Variants in MOB4 observed in about 807,000 individuals in gnomAD.
The protein encoded by MOB4 is MOB family member 4, phocein.
In MOB4, 4 loss-of-function variants were observed where a neutral mutation model predicts 32.2. That is an observed-to-expected ratio of 0.12 (90% CI 0.06 to 0.28). The LOEUF (loss-of-function observed/expected upper bound fraction) is 0.28, where lower values mean the gene tolerates loss of function less well. Among genes scored for constraint, MOB4 ranks in the 10% least tolerant of loss-of-function variants. The pLI is 1.00. For missense variants in MOB4, 158 were observed against 271.2 expected, an observed-to-expected ratio of 0.58 and a Z score of 2.93; for synonymous variants, 88 against 88.1, an observed-to-expected ratio of 1.00 and a Z score of 0.01.
In MOB4 at chr2:197,548,264, C is replaced by A; in HGVS notation, c.355-72C>A. ...GCTCATGTCTTTGGAATAAGGTATACCCATATAATGAATATATCTAACTTA... is the reference window on the plus strand; with the variant it reads ...GCTCATGTCTTTGGAATAAGGTATAACCATATAATGAATATATCTAACTTA... On this transcript the variant is annotated intron_variant, in intron 5 of 7. Transcript: ENST00000323303. 4 of 1,302,524 alleles carry A rather than the reference C, an allele frequency of 3.1e-6. No homozygotes were observed. The South Asian group carries it at 4.2e-5, about 14-fold the overall frequency. The allele number at this position is 1,302,524 out of a possible 1,614,324, so 80.7% of individuals were successfully genotyped here.
At chr2:197,530,262 C>G (rs2086677402) in intron 2 of MOB4, among the ~76,000 whole-genome samples, 2 of 150,804 alleles carry the variant, frequency 1.3e-5, no homozygotes, top group Admixed American at 6.6e-5. Context: ...GCCACCATGC[C>G]TGGACTCTAT....
At chr2:197,523,775 G>A in intron 2 of MOB4, 89 bp downstream of exon 2, 1 of 1,219,180 alleles carries the variant, frequency 8.2e-7, no homozygotes, top group Non-Finnish European at 1.1e-6. Context: ...TGGTCACTGT[G>A]CAGCAGTCTG....
At chr2:197,535,467 A>G in intron 2 of MOB4, 63 bp from the exon 3 acceptor site, 1 of 1,467,504 alleles carries the variant, frequency 6.8e-7, no homozygotes, top group Non-Finnish European at 9.2e-7. Flanking sequence ...AATTATATGT[A>G]CTTAACATAA....
intron 5 of MOB4, among the ~76,000 whole-genome samples, chr2:197,540,959 T>A (rs538134310): frequency 6.6e-6 from 1 of 152,064 alleles, no homozygotes; most frequent in Admixed American, 6.6e-5. Context: ...TGGAGTGCAG[T>A]GGTATGATCT....
chr2:197,544,249 T>G (rs1339551988), intron 5 of MOB4, among the ~76,000 whole-genome samples: 1 of 152,084 alleles, frequency 6.6e-6, no homozygotes, highest in Non-Finnish European at 1.5e-5. Context: ...TTTTTGTATT[T>G]TTAGTAGAGA....
intron 1 of MOB4, among the ~76,000 whole-genome samples, chr2:197,519,891 G>A (rs2086484042): frequency 6.6e-6 from 1 of 152,148 alleles, no homozygotes; most frequent in Non-Finnish European, 1.5e-5. Context: ...AATAGATAAT[G>A]TCTAAGAAAA....
At chr2:197,522,755 G>A (rs928944537) in intron 1 of MOB4, among the ~76,000 whole-genome samples, 2 of 151,852 alleles carry the variant, frequency 1.3e-5, no homozygotes, top group African/African-American at 2.4e-5. Context: ...GGTGGCTCAC[G>A]CCTGTAATCC....
At chr2:197,520,446 T>G (rs1013335779) in intron 1 of MOB4, among the ~76,000 whole-genome samples, 17 of 152,204 alleles carry the variant, frequency 1.1e-4, no homozygotes, top group Non-Finnish European at 1.3e-4. Context: ...TTTATTCATT[T>G]TATATACACT....
chr2:197,531,941 T>C (rs1433759702), intron 2 of MOB4, among the ~76,000 whole-genome samples: 1 of 151,870 alleles, frequency 6.6e-6, no homozygotes, highest in East Asian at 1.9e-4. Flanking sequence ...TGAGATAGAG[T>C]CTCACTCCCA....
chr2:197,532,373 G>A (rs1423090858), intron 2 of MOB4, among the ~76,000 whole-genome samples: 1 of 152,144 alleles, frequency 6.6e-6, no homozygotes, highest in Non-Finnish European at 1.5e-5. Flanking sequence ...CTAAATATAT[G>A]GTTAAATAAT....
chr2:197,533,830 T>C (rs1343711966), intron 2 of MOB4: 5 of 620,910 alleles, frequency 8.1e-6, no homozygotes, highest in Non-Finnish European at 1.5e-5. Context: ...TTTAAGACTT[T>C]TAGAATCAAG....
chr2:197,550,336 A>G lies in MOB4; in HGVS notation c.496A>G (p.Ile166Val). 8 of 1,613,950 alleles carry G rather than the reference A, an allele frequency of 5.0e-6. No individual in the cohort carries two copies. The highest frequency in any genetic ancestry group is 5.9e-6 in the Non-Finnish European group (7 of 1,179,980). ...LGSVCRRIYR[I>V]FSHAYFHHRQ... ...ATCAGTATGCCGTAGGATTTACAGA[A>G]TATTTTCACATGCTTATTTTCATCA... Residue 166 changes from isoleucine (I) to valine (V), a missense_variant, in exon 7 of 8, where the codon ATA (isoleucine) becomes GTA (valine). By Grantham distance (29) the Ile-to-Val change is conservative. Coordinates refer to ENST00000323303, the MANE Select transcript of MOB4 (RefSeq NM_015387.5).
chr2:197,541,395 A>G (rs1307991943), intron 5 of MOB4, among the ~76,000 whole-genome samples: 1 of 152,202 alleles, frequency 6.6e-6, no homozygotes. Context: ...GGGTTAGGCC[A>G]ATTCTGTAGA....
chr2:197,526,569 G>T (rs2086615435), intron 2 of MOB4, among the ~76,000 whole-genome samples: 1 of 152,164 alleles, frequency 6.6e-6, no homozygotes, highest in African/African-American at 2.4e-5. Flanking sequence ...ACCTGCCTTG[G>T]CTTCCCAAAG....
intron 5 of MOB4, among the ~76,000 whole-genome samples, chr2:197,544,509 T>C (rs926206777): frequency 6.6e-6 from 1 of 152,154 alleles, no homozygotes; most frequent in Non-Finnish European, 1.5e-5. Flanking sequence ...ATTCCAGCAC[T>C]TGGGGAGGCC....
At chr2:197,520,977 C>T (rs534712552) in intron 1 of MOB4, among the ~76,000 whole-genome samples, 48 of 148,204 alleles carry the variant, frequency 3.2e-4, no homozygotes, top group African/African-American at 1.1e-3. Context: ...GTTTCCTTCT[C>T]TTTTTAAAAT....
chr2:197,536,728 A>C (rs2086806722), intron 3 of MOB4, among the ~76,000 whole-genome samples: 1 of 150,378 alleles, frequency 6.6e-6, no homozygotes, highest in Non-Finnish European at 1.5e-5. Context: ...CAGCCTCCCG[A>C]GTAGCTGGGA....
intron 2 of MOB4, among the ~76,000 whole-genome samples, chr2:197,527,213 CG>C (rs1459923123): frequency 1.3e-5 from 2 of 152,178 alleles, no homozygotes; most frequent in East Asian, 3.9e-4. Flanking sequence ...GAGATTGCCT[CG>C]TATCTCTAGA....
intron 5 of MOB4, among the ~76,000 whole-genome samples, chr2:197,541,841 C>T (rs1178912775): frequency 6.6e-6 from 1 of 151,658 alleles, no homozygotes; most frequent in East Asian, 1.9e-4. Flanking sequence ...ATGGCGTGAA[C>T]CCAGGAGGCG....
Sources: allele counts gnomAD v4.1 joint callset (sites outside exome capture counted in the v4.1 genomes callset), GRCh38; gene constraint gnomAD v4.1.1; transcripts MANE v1.5; gene names NCBI Gene and HGNC (gene_info 2026-07-23, HGNC 2026-07-21).